Variants in DISC1 observed in about 807,000 individuals in gnomAD.
The protein encoded by DISC1 is disrupted in schizophrenia 1 protein.
DISC1 carries 57 observed loss-of-function variants against 84.5 expected under a neutral mutation model. The ratio of observed to expected loss-of-function variants is 0.67; its 90% confidence interval spans 0.55 to 0.84. The LOEUF is 0.84. Among genes scored for constraint, DISC1 ranks in the 40% least tolerant of loss-of-function variants. The probability of loss-of-function intolerance (pLI) is 0.00; values close to 1 mark genes in which losing one functional copy is unlikely to be tolerated. For synonymous variants in DISC1, 411 were observed against 415.2 expected, an observed-to-expected ratio of 0.99 and a Z score of 0.12; for missense variants, 1,000 against 1,057.8, an observed-to-expected ratio of 0.95 and a Z score of 0.76.
At chr1:231,854,078 C>T (rs1574272348) in intron 9 of DISC1, among the ~76,000 whole-genome samples, 2 of 152,162 alleles carry the variant, frequency 1.3e-5, no homozygotes, top group African/African-American at 2.4e-5. Flanking sequence ...TCTTGGGTCA[C>T]GATGACCCTG....
At chr1:231,987,287 A>G (rs1236412590) in intron 10 of DISC1, among the ~76,000 whole-genome samples, 1 of 139,942 alleles carries the variant, frequency 7.1e-6, no homozygotes, top group Non-Finnish European at 1.6e-5. Context: ...TGCCCCTGAA[A>G]GATTTTTTTC....
intron 3 of DISC1, among the ~76,000 whole-genome samples, chr1:231,714,285 C>T (rs890589766): frequency 8.5e-5 from 13 of 152,078 alleles, no homozygotes; most frequent in Middle Eastern, 3.2e-3. Context: ...CCCAGAAATA[C>T]ACCCATATAT....
intron 9 of DISC1, among the ~76,000 whole-genome samples, chr1:231,828,516 C>T (rs986428174): frequency 2.0e-5 from 3 of 152,014 alleles, no homozygotes; most frequent in Non-Finnish European, 2.9e-5. Context: ...AGTGATTCTC[C>T]CCTAAAGATT....
At chr1:231,746,144 T>C (rs2073955876) in intron 3 of DISC1, among the ~76,000 whole-genome samples, 1 of 152,202 alleles carries the variant, frequency 6.6e-6, no homozygotes, top group Non-Finnish European at 1.5e-5. Flanking sequence ...TATTCCTTTA[T>C]AGCAATGCAA....
intron 3 of DISC1, among the ~76,000 whole-genome samples, chr1:231,704,538 C>T (rs915758423): frequency 6.6e-6 from 1 of 151,910 alleles, no homozygotes; most frequent in East Asian, 1.9e-4. Flanking sequence ...GGGTGGATCA[C>T]GAGGTCAGGA....
intron 10 of DISC1, among the ~76,000 whole-genome samples, chr1:232,006,187 T>C (rs1183314149): frequency 6.6e-6 from 1 of 152,160 alleles, no homozygotes; most frequent in Non-Finnish European, 1.5e-5. Flanking sequence ...GAGTTCATGA[T>C]CCATGTTGAA....
At chr1:231,807,565 C>T (rs1056423777) in intron 8 of DISC1, among the ~76,000 whole-genome samples, 6 of 152,216 alleles carry the variant, frequency 3.9e-5, no homozygotes, top group African/African-American at 1.4e-4. Flanking sequence ...ACCTCCTTCA[C>T]TTGTTAAGAT....
chr1:232,031,121 G>A lies in DISC1; in HGVS notation c.2425+4569G>A, dbSNP rs1427394981. Among the ~76,000 whole-genome samples the A allele has an allele frequency of 2.0e-5, 3 of 149,546 alleles. No homozygotes were observed. In the East Asian group the frequency reaches 5.9e-4, roughly 29 times the overall value. ...AAGACACTGCCAAAGAAGGAGGGAG[G>A]GAAGGAAGGAAGGAAGGAGGGAGAG... On this transcript the variant is annotated intron_variant, in intron 12 of 12. Coordinates refer to ENST00000439617, the MANE Select transcript of DISC1 (RefSeq NM_018662.3). The surrounding 1 kb of genome is among the most constrained non-coding windows in gnomAD (Gnocchi z 4.6).
At chr1:231,858,986 T>G (rs1385546038) in intron 9 of DISC1, among the ~76,000 whole-genome samples, 2 of 152,226 alleles carry the variant, frequency 1.3e-5, no homozygotes, top group Non-Finnish European at 2.9e-5. Flanking sequence ...CCTATAACTC[T>G]TGAGTGCCCA....
chr1:231,826,431 G>A lies in DISC1; in HGVS notation c.1981+7914G>A, dbSNP rs917714349. 2.6e-5 allele frequency among the ~76,000 whole-genome samples: 4 copies of A among 151,988 alleles called. No individual in the cohort carries two copies. Among genetic ancestry groups the A allele is most frequent in the South Asian group, 4.2e-4 (2 of 4,816 alleles). On this transcript the variant is annotated intron_variant, in intron 9 of 12. Coordinates refer to ENST00000439617, the MANE Select transcript of DISC1 (RefSeq NM_018662.3). This position sits in a 1 kb window ranked among gnomAD's most constrained non-coding sequence, Gnocchi z 4.2. ...ATGATGTTGAACATCCTGAAAAGAC[G>A]GGTATTTTTTTTTCATTTTTGAAGT...
intron 3 of DISC1, among the ~76,000 whole-genome samples, chr1:231,716,316 CAAAAAA>C (rs397861600): frequency 1.2e-5 from 1 of 82,748 alleles, no homozygotes; most frequent in South Asian, 4.3e-4. Context: ...TTTCAATCTG[CAAAAAA>C]AAAAAAAAAA....
chr1:231,714,850 G>T (rs556846659), intron 3 of DISC1, among the ~76,000 whole-genome samples: 1 of 152,230 alleles, frequency 6.6e-6, no homozygotes, highest in South Asian at 2.1e-4. Context: ...AAATTATGTT[G>T]TTACTTCCAC....
intron 4 of DISC1, among the ~76,000 whole-genome samples, chr1:231,757,670 T>C (rs1287214682): frequency 1.3e-5 from 2 of 152,298 alleles, no homozygotes; most frequent in Non-Finnish European, 2.9e-5. Context: ...GGAATAACTT[T>C]TGTGATATCC....
chr1:231,668,053 C>CA lies in DISC1; in HGVS notation c.68-25758dup, dbSNP rs111268435. 5.4e-3 allele frequency among the ~76,000 whole-genome samples: 511 copies of CA among 94,536 alleles called. 1 individual carries two copies. The highest frequency in any genetic ancestry group is 0.025 in the South Asian group (72 of 2,830). The allele number at this position is 94,536 out of a possible 152,430, so 62.0% of individuals were successfully genotyped here. ...CCTGGGTGACAGAGCAAGACTCTGT[C>CA]AAAAAAAAAAAAAAAGCTGTGCATA... On this transcript the variant is annotated intron_variant, in intron 1 of 12. Coordinates refer to ENST00000439617, the MANE Select transcript of DISC1 (RefSeq NM_018662.3).
At chr1:231,664,069 T>TCCAG (rs143146603) in intron 1 of DISC1, among the ~76,000 whole-genome samples, 1 of 151,632 alleles carries the variant, frequency 6.6e-6, no homozygotes. Flanking sequence ...CATCCATCCA[T>TCCAG]CCATCCATCC....
intron 10 of DISC1, among the ~76,000 whole-genome samples, chr1:231,963,386 A>G (rs765642343): frequency 1.2e-4 from 19 of 152,172 alleles, no homozygotes; most frequent in Non-Finnish European, 2.4e-4. Flanking sequence ...TGACAATTTC[A>G]TATAGTTAAC....
At chr1:231,842,269 T>C (rs1024131557) in intron 9 of DISC1, among the ~76,000 whole-genome samples, 2 of 152,262 alleles carry the variant, frequency 1.3e-5, no homozygotes, top group South Asian at 4.1e-4. Flanking sequence ...CTCACCTCAG[T>C]CTCCCAAAGT....
intron 12 of DISC1, among the ~76,000 whole-genome samples, chr1:232,027,707 G>A (rs1002390260): frequency 3.9e-5 from 6 of 151,908 alleles, no homozygotes; most frequent in African/African-American, 1.2e-4. Flanking sequence ...TATTAGATGC[G>A]TTTGTGGCAA....
intron 8 of DISC1, among the ~76,000 whole-genome samples, chr1:231,801,287 AAG>A (rs2079228681): frequency 8.0e-6 from 1 of 124,392 alleles, no homozygotes; most frequent in South Asian, 2.4e-4. Context: ...GAGAAAAAAA[AAG>A]AAGATTGAAC....
Sources: gnomAD v4.1 joint callset for allele counts (sites outside exome capture counted in the v4.1 genomes callset) on GRCh38, gnomAD v4.1.1 for gene constraint, Gnocchi (gnomAD v3.1) non-coding constraint, MANE v1.5 for transcripts, NCBI Gene and HGNC (gene_info 2026-07-23, HGNC 2026-07-21) for gene names.